GRM8: variants seen among roughly 807,000 people sequenced by gnomAD.
GRM8 encodes metabotropic glutamate receptor 8.
A neutral mutation model predicts 87.2 loss-of-function variants in GRM8; 47 were observed. The observed-to-expected ratio is 0.54, with a 90% CI of 0.43 to 0.69. GRM8 has a LOEUF of 0.69. Ranked by LOEUF, GRM8 falls within the 30% of genes least tolerant of loss-of-function variation. The pLI is 0.00. For missense variants in GRM8, 1,019 were observed against 1,139.2 expected, an observed-to-expected ratio of 0.89 and a Z score of 1.52; for synonymous variants, 396 against 404.5, an observed-to-expected ratio of 0.98 and a Z score of 0.25.
At chr7:127,245,108 A>G (rs1798515117) in intron 1 of GRM8, among the ~76,000 whole-genome samples, 1 of 152,216 alleles carries the variant, frequency 6.6e-6, no homozygotes, top group South Asian at 2.1e-4. Context: ...CAGGCATTCC[A>G]CAAAAGGAAA....
At chr7:127,008,554 T>A (rs1026646463) in intron 3 of GRM8, among the ~76,000 whole-genome samples, 1 of 152,168 alleles carries the variant, frequency 6.6e-6, no homozygotes, top group African/African-American at 2.4e-5. Context: ...TTGTGTTTTA[T>A]GTTGAAATTT....
At chr7:126,774,429 T>C (rs1367586043) in intron 6 of GRM8, among the ~76,000 whole-genome samples, 1 of 152,164 alleles carries the variant, frequency 6.6e-6, no homozygotes, top group Non-Finnish European at 1.5e-5. Context: ...TCAAAGGCTT[T>C]ATGTCAGCTA....
At position 127,042,377 on chromosome 7, in the gene GRM8, A is replaced by C. The variant is rs550348205; in HGVS notation, c.727+64119T>G. Among the ~76,000 whole-genome samples the C allele has an allele frequency of 9.6e-4, 146 of 152,368 alleles. 1 individual carries two copies. The highest frequency in any genetic ancestry group is 3.5e-3 in the African/African-American group (144 of 41,594). ...AAAGAAATGGCAGGTGCCAAGGCAC[A>C]GAGGGGTCATGGTTTTGATTAAGAT... On this transcript the variant is annotated intron_variant, in intron 3 of 10. Coordinates refer to ENST00000339582, the MANE Select transcript of GRM8 (RefSeq NM_000845.3).
intron 3 of GRM8, among the ~76,000 whole-genome samples, chr7:127,026,080 T>G (rs1291457015): frequency 6.6e-6 from 1 of 152,050 alleles, no homozygotes; most frequent in African/African-American, 2.4e-5. Context: ...CAACTCCCAG[T>G]TATGAGTGAG....
chr7:127,163,712 C>T (rs765955458), intron 2 of GRM8, among the ~76,000 whole-genome samples: 64 of 151,972 alleles, frequency 4.2e-4, no homozygotes, highest in Non-Finnish European at 6.3e-4. Context: ...ATTTGATAAC[C>T]GTCAAAGCTA....
At position 126,467,698 on chromosome 7, in the gene GRM8, A is replaced by G. The variant is rs1804668272; in HGVS notation, c.2431-21326T>C. Among the ~76,000 whole-genome samples, 3 of 152,204 alleles carry G rather than the reference A, an allele frequency of 2.0e-5. No individual in the cohort carries two copies. The South Asian group carries it at 6.2e-4, about 32-fold the overall frequency. On this transcript the variant is annotated intron_variant, in intron 9 of 10. Transcript: ENST00000339582. ...ATGAATTACTATGTGTGCTTAAAAC[A>G]AAATACTTAGTGTTTATCTCAGCAA... is the stretch of plus-strand genomic sequence containing the variant.
At chr7:126,492,604 T>G (rs1390874322) in intron 9 of GRM8, among the ~76,000 whole-genome samples, 2 of 152,064 alleles carry the variant, frequency 1.3e-5, no homozygotes, top group Non-Finnish European at 2.9e-5. Context: ...TTTATTAATA[T>G]AGTTGGGTCA....
chr7:127,063,750 T>G (rs1820844549), intron 3 of GRM8, among the ~76,000 whole-genome samples: 1 of 152,218 alleles, frequency 6.6e-6, no homozygotes, highest in African/African-American at 2.4e-5. Flanking sequence ...GAGATCTTTT[T>G]GACATGGGCA....
At chr7:126,927,939 T>A (rs1034303039) in intron 3 of GRM8, among the ~76,000 whole-genome samples, 2 of 152,130 alleles carry the variant, frequency 1.3e-5, no homozygotes, top group African/African-American at 4.8e-5. Context: ...GTGGCACTGT[T>A]CACATTAGCA....
intron 7 of GRM8, among the ~76,000 whole-genome samples, chr7:126,753,762 T>C (rs552123227): frequency 6.6e-5 from 10 of 151,994 alleles, no homozygotes; most frequent in Middle Eastern, 3.4e-3. Flanking sequence ...TATTCAAACA[T>C]GGGATAGGGA....
intron 3 of GRM8, among the ~76,000 whole-genome samples, chr7:127,053,880 C>G (rs1354730929): frequency 6.6e-6 from 1 of 150,706 alleles, no homozygotes; most frequent in East Asian, 1.9e-4. Flanking sequence ...ACAGTTAATA[C>G]TTACTGAATT....
intron 2 of GRM8, among the ~76,000 whole-genome samples, chr7:127,223,475 A>G (rs924539015): frequency 2.2e-4 from 30 of 133,800 alleles, no homozygotes; most frequent in Admixed American, 2.1e-3. Flanking sequence ...ACACACACAC[A>G]CACACACACA....
chr7:126,839,728 G>A (rs1045460841), intron 6 of GRM8, among the ~76,000 whole-genome samples: 1 of 152,066 alleles, frequency 6.6e-6, no homozygotes, highest in Non-Finnish European at 1.5e-5. Flanking sequence ...TTTGGTTAAG[G>A]GAGTTCTTAG....
chr7:126,602,678 T>G (rs1346740153), intron 8 of GRM8, among the ~76,000 whole-genome samples: 1 of 150,730 alleles, frequency 6.6e-6, no homozygotes, highest in African/African-American at 2.4e-5. Context: ...CCTAGGTATT[T>G]TATTCTCTTT....
At chr7:126,783,076 A>C (rs1280479564) in intron 6 of GRM8, among the ~76,000 whole-genome samples, 3 of 152,190 alleles carry the variant, frequency 2.0e-5, no homozygotes. Flanking sequence ...AGTCCTCACC[A>C]GGAATCAGTA....
rs913988684 is a variant in GRM8, at chr7:126,446,165, C to T, written c.2638G>A (p.Glu880Lys). ...IQKGNDRPNG[E>K]VKSELCESLE... is the part of the protein sequence containing the mutation. ...CTCTCACAGAGTTCACTTTTCACCTCGCCATTTGGTCTGTCATTTCCTTTT... is the reference window on the plus strand; with the variant it reads ...CTCTCACAGAGTTCACTTTTCACCTTGCCATTTGGTCTGTCATTTCCTTTT... Residue 880 changes from glutamate to lysine, a missense_variant, in exon 10 of 11, where the codon GAG (glutamate) becomes AAG (lysine). Coordinates refer to ENST00000339582, the MANE Select transcript of GRM8 (RefSeq NM_000845.3). 2.5e-6 allele frequency: 4 copies of T among 1,612,680 alleles called. No homozygotes were observed. The highest frequency in any genetic ancestry group is 3.3e-5 in the Admixed American group (2 of 59,858).
At chr7:126,895,739 C>T (rs996800015) in intron 6 of GRM8, among the ~76,000 whole-genome samples, 1 of 151,818 alleles carries the variant, frequency 6.6e-6, no homozygotes, top group African/African-American at 2.4e-5. Flanking sequence ...AGGCAAGGGG[C>T]CAGGGAACTG....
At chr7:126,774,760 G>A (rs917870773) in intron 6 of GRM8, among the ~76,000 whole-genome samples, 1 of 152,192 alleles carries the variant, frequency 6.6e-6, no homozygotes, top group East Asian at 1.9e-4. Flanking sequence ...GCAAAACATT[G>A]TATATGTTAC....
chr7:127,122,565 T>TA (rs1368420613), intron 2 of GRM8, among the ~76,000 whole-genome samples: 3 of 147,626 alleles, frequency 2.0e-5, no homozygotes, highest in Non-Finnish European at 4.5e-5. Context: ...TGATGAGACA[T>TA]ACACATTGCT....
Sources: allele counts gnomAD v4.1 joint callset (sites outside exome capture counted in the v4.1 genomes callset), GRCh38; gene constraint gnomAD v4.1.1; transcripts MANE v1.5; gene names NCBI Gene and HGNC (gene_info 2026-07-23, HGNC 2026-07-21).